The following NFIB variants were observed in gnomAD, a reference collection of about 807,000 sequenced individuals.
NFIB encodes nuclear factor I B.
Under a neutral mutation model 61.5 loss-of-function variants are expected in NFIB, and 11 were observed. That is an observed-to-expected ratio of 0.18 (90% CI 0.11 to 0.30). NFIB has a LOEUF of 0.30. Ranked by LOEUF, NFIB falls within the 10% of genes least tolerant of loss-of-function variation. NFIB has a pLI of 1.00. For missense variants in NFIB, 471 were observed against 608.9 expected, an observed-to-expected ratio of 0.77 and a Z score of 2.38; for synonymous variants, 260 against 216.5, an observed-to-expected ratio of 1.20 and a Z score of -1.76.
chr9:14,372,229 T>C (rs950691166), intron 1 of NFIB, among the ~76,000 whole-genome samples: 3 of 152,332 alleles, frequency 2.0e-5, no homozygotes, highest in South Asian at 2.1e-4. Flanking sequence ...TGGCTTGCTT[T>C]GTTCATTTAT....
chr9:14,179,689 C>G (rs2131435736), intron 3 of NFIB, 38 bp downstream of exon 3: 1 of 1,610,506 alleles, frequency 6.2e-7, no homozygotes, highest in East Asian at 2.2e-5. Flanking sequence ...TGTTCTCCAA[C>G]AATGTCAGAT....
the NFIB span, among the ~76,000 whole-genome samples, chr9:14,516,719 T>A: frequency 1.3e-5 from 2 of 152,248 alleles, no homozygotes; most frequent in Admixed American, 6.5e-5. Flanking sequence ...TATAGTCGTA[T>A]CAAGCCAAAC....
At chr9:14,473,841 T>G in the NFIB span, among the ~76,000 whole-genome samples, 1 of 152,234 alleles carries the variant, frequency 6.6e-6, no homozygotes, top group African/African-American at 2.4e-5. Context: ...TTTCCAGTTA[T>G]GCAAAGGGAA....
At chr9:14,289,741 T>A (rs2058968592) in intron 2 of NFIB, among the ~76,000 whole-genome samples, 1 of 152,072 alleles carries the variant, frequency 6.6e-6, no homozygotes, top group South Asian at 2.1e-4. Context: ...TTTTAAATGA[T>A]GTGTCATTTT....
chr9:14,481,195 G>GTGTGTA, the NFIB span, among the ~76,000 whole-genome samples: 2 of 35,008 alleles, frequency 5.7e-5, no homozygotes, highest in East Asian at 6.8e-4. Context: ...GTGTGTGTGT[G>GTGTGTA]TGTATATATA....
the NFIB span, among the ~76,000 whole-genome samples, chr9:14,442,965 C>T: frequency 6.6e-6 from 1 of 152,102 alleles, no homozygotes; most frequent in African/African-American, 2.4e-5. Context: ...ACACTTGCGA[C>T]ATGGCCAATC....
chr9:14,502,972 A>T, the NFIB span, among the ~76,000 whole-genome samples: 3 of 151,868 alleles, frequency 2.0e-5, no homozygotes, highest in East Asian at 5.8e-4. Context: ...CAAACATACA[A>T]TGTTTTCAGT....
intron 2 of NFIB, among the ~76,000 whole-genome samples, chr9:14,207,548 A>G (rs930177709): frequency 6.6e-6 from 1 of 152,230 alleles, no homozygotes; most frequent in Non-Finnish European, 1.5e-5. Context: ...GCAAAGGGCC[A>G]GCTCGGCATG....
At chr9:14,103,921 A>T (rs2036154833) in intron 10 of NFIB, among the ~76,000 whole-genome samples, 1 of 151,630 alleles carries the variant, frequency 6.6e-6, no homozygotes, top group Non-Finnish European at 1.5e-5. Flanking sequence ...AAAAATAAAT[A>T]TTCTTTTTTT....
intron 2 of NFIB, among the ~76,000 whole-genome samples, chr9:14,183,852 G>C (rs2047064086): frequency 6.6e-6 from 1 of 151,612 alleles, no homozygotes; most frequent in East Asian, 1.9e-4. Flanking sequence ...TTTAAGTGTG[G>C]GTTTCATGTT....
the NFIB span, among the ~76,000 whole-genome samples, chr9:14,442,644 ATC>A: frequency 2.6e-5 from 4 of 151,558 alleles, no homozygotes; most frequent in Admixed American, 1.3e-4. Flanking sequence ...CATCACTCTA[ATC>A]TCTGTCTTCA....
At chr9:14,279,344 A>C (rs555449653) in intron 2 of NFIB, among the ~76,000 whole-genome samples, 27 of 152,288 alleles carry the variant, frequency 1.8e-4, no homozygotes, top group African/African-American at 6.5e-4. Flanking sequence ...TCCTGTTTTC[A>C]ACACTGATAA....
Position 14,174,333 on chromosome 9 carries a change from C to A in NFIB, c.616+5394G>T, listed in dbSNP as rs748631284. Among the ~76,000 whole-genome samples, 4 of 152,104 alleles carry A rather than the reference C, an allele frequency of 2.6e-5. No individual in the cohort carries two copies. The East Asian group carries it at 7.7e-4, about 29-fold the overall frequency. ...TATGAATAGAGAGCCTATTTATAGTCGAATGCACATTGTCTAGTGCCAAAG... is the reference window on the plus strand; with the variant it reads ...TATGAATAGAGAGCCTATTTATAGTAGAATGCACATTGTCTAGTGCCAAAG... On this transcript the variant is annotated intron_variant, in intron 3 of 10. Transcript: ENST00000380953.
At chr9:14,477,385 A>G in the NFIB span, among the ~76,000 whole-genome samples, 1 of 152,252 alleles carries the variant, frequency 6.6e-6, no homozygotes, top group Non-Finnish European at 1.5e-5. Flanking sequence ...AAGTGAATGT[A>G]TATCTAAATA....
chr9:14,318,029 C>T (rs892913484), upstream of NFIB, among the ~76,000 whole-genome samples: 2 of 152,300 alleles, frequency 1.3e-5, no homozygotes, highest in East Asian at 3.9e-4. Flanking sequence ...CTTCATCTCT[C>T]CCTCCCACAC....
the NFIB span, among the ~76,000 whole-genome samples, chr9:14,496,672 C>A: frequency 6.6e-6 from 1 of 152,104 alleles, no homozygotes; most frequent in Non-Finnish European, 1.5e-5. Context: ...AAGTGAGGTA[C>A]CCACACAGTT....
the NFIB span, among the ~76,000 whole-genome samples, chr9:14,408,389 T>A: frequency 6.6e-6 from 1 of 152,228 alleles, no homozygotes. Flanking sequence ...CATATTTGTA[T>A]GTTCAGATTT....
At chr9:14,145,131 G>T (rs1210267327) in intron 6 of NFIB, among the ~76,000 whole-genome samples, 1 of 84,128 alleles carries the variant, frequency 1.2e-5, no homozygotes, top group Non-Finnish European at 2.1e-5. Flanking sequence ...TCCGTCTGAG[G>T]GGGGGGTCTC....
chr9:14,420,438 T>A, the NFIB span, among the ~76,000 whole-genome samples: 1 of 54,560 alleles, frequency 1.8e-5, no homozygotes, highest in South Asian at 6.4e-4. Context: ...AGAGCGAGAC[T>A]CCGTCTCAAA....
Sources: gnomAD v4.1 joint callset for allele counts (sites outside exome capture counted in the v4.1 genomes callset) on GRCh38, gnomAD v4.1.1 for gene constraint, MANE v1.5 for transcripts, NCBI Gene and HGNC (gene_info 2026-07-23, HGNC 2026-07-21) for gene names.